The following STK17B variants were observed in gnomAD, a reference collection of about 807,000 sequenced individuals.
The protein encoded by STK17B is serine/threonine-protein kinase 17B.
Under a neutral mutation model 42.0 loss-of-function variants are expected in STK17B, and 21 were observed. The observed-to-expected ratio is 0.50, with a 90% CI of 0.35 to 0.72. The LOEUF is 0.72. Ranked by LOEUF, STK17B falls within the 30% of genes least tolerant of loss-of-function variation. STK17B has a pLI of 0.00. For synonymous variants in STK17B, 143 were observed against 148.4 expected, an observed-to-expected ratio of 0.96 and a Z score of 0.26; for missense variants, 349 against 446.0, an observed-to-expected ratio of 0.78 and a Z score of 1.96.
Position 196,160,932 on chromosome 2 carries a change from T to C in STK17B, c.122+2330A>G, listed in dbSNP as rs1390103176. 3.9e-5 allele frequency among the ~76,000 whole-genome samples: 6 copies of C among 152,304 alleles called. No individual in the cohort carries two copies. In the East Asian group the frequency reaches 7.7e-4, roughly 20 times the overall value. ...CTAATATCATCCTCAAAGTTTAAAT[T>C]ATCCAAAGCCCTCAAAGCAAAAATA... is the stretch of plus-strand genomic sequence containing the variant. On this transcript the variant is annotated intron_variant, in intron 2 of 7. Transcript: ENST00000263955.
At chr2:196,166,510 G>A (rs972990368) in intron 1 of STK17B, among the ~76,000 whole-genome samples, 4 of 152,228 alleles carry the variant, frequency 2.6e-5, no homozygotes, top group African/African-American at 9.6e-5. Context: ...AAGGGACCTG[G>A]TAAGTAAATT....
In STK17B at chr2:196,135,209, A is replaced by C. The variant is rs1199139265; in HGVS notation, c.*2238T>G. On this transcript the variant is annotated 3_prime_UTR_variant, in exon 8 of 8. Coordinates refer to ENST00000263955, the MANE Select transcript of STK17B (RefSeq NM_004226.4). ...GGGGGATGGCATGATTCCTCTAAAA[A>C]TTAAAAATATAATATGGTCTTCAGA... is the stretch of plus-strand genomic sequence containing the variant. 1 of 152,206 alleles carries C rather than the reference A, an allele frequency of 6.6e-6. No homozygotes were observed. The highest frequency in any genetic ancestry group is 1.5e-5 in the Non-Finnish European group (1 of 68,032). 9.4% of individuals were successfully genotyped at this position (152,206 alleles called of 1,614,324 possible).
At chr2:196,164,033 T>C (rs1042719411) in intron 1 of STK17B, among the ~76,000 whole-genome samples, 4 of 143,414 alleles carry the variant, frequency 2.8e-5, no homozygotes, top group Non-Finnish European at 4.5e-5. Flanking sequence ...AGCGAGATCT[T>C]ATCTCAATAA....
intron 1 of STK17B, among the ~76,000 whole-genome samples, chr2:196,170,480 A>G (rs1017895818): frequency 6.6e-6 from 1 of 152,218 alleles, no homozygotes; most frequent in African/African-American, 2.4e-5. Flanking sequence ...CTTAATTCCA[A>G]TTTCCAAATT....
chr2:196,158,510 T>C (rs1434533359), intron 2 of STK17B, among the ~76,000 whole-genome samples: 1 of 152,196 alleles, frequency 6.6e-6, no homozygotes, highest in African/African-American at 2.4e-5. Context: ...ATTGATGGGT[T>C]TCGATGAGCA....
rs181013494 is a variant in STK17B at position 196,167,341 on chromosome 2, C to T, written c.-44-3914G>A. The stretch of plus-strand genomic sequence containing the variant: ...AGCAACCAGCATGGTATCTGCCACC[C>T]GGTAGGAATTTTAAAAATGTTTGAT... On this transcript the variant is annotated intron_variant, in intron 1 of 7. Transcript: ENST00000263955. Among the ~76,000 whole-genome samples the T allele has an allele frequency of 1.3e-4, 20 of 152,190 alleles. No individual in the cohort carries two copies. In the East Asian group the frequency reaches 1.9e-3, roughly 15 times the overall value.
At chr2:196,159,675 T>C (rs576850397) in intron 2 of STK17B, among the ~76,000 whole-genome samples, 1 of 152,272 alleles carries the variant, frequency 6.6e-6, no homozygotes, top group Admixed American at 6.5e-5. Flanking sequence ...CCAAATGATG[T>C]GGATAATGAT....
chr2:196,146,153 A>C lies in STK17B; in HGVS notation c.336-98T>G, dbSNP rs1282825228. ...TAAGTAAAAGACATACAACTATATA[A>C]ATGTTAATACGTTACACTTAAAAAT... On this transcript the variant is annotated intron_variant, in intron 3 of 7. Coordinates refer to ENST00000263955, the MANE Select transcript of STK17B (RefSeq NM_004226.4). 11 of 1,259,970 alleles carry C rather than the reference A, an allele frequency of 8.7e-6. No homozygotes were observed. In the South Asian group the frequency reaches 1.5e-4, roughly 18 times the overall value. 78.0% of individuals were successfully genotyped at this position (1,259,970 alleles called of 1,614,324 possible).
chr2:196,151,911 G>T (rs1575178483), intron 3 of STK17B, among the ~76,000 whole-genome samples: 1 of 152,146 alleles, frequency 6.6e-6, no homozygotes, highest in African/African-American at 2.4e-5. Context: ...AATAAGAAGG[G>T]AAAGATTTTA....
At chr2:196,175,704 T>C (rs1224853182), upstream of STK17B, among the ~76,000 whole-genome samples, 4 of 152,220 alleles carry the variant, frequency 2.6e-5, no homozygotes, top group Non-Finnish European at 2.9e-5. Flanking sequence ...TGAAATAAAA[T>C]AGAAAATTTT....
intron 1 of STK17B, among the ~76,000 whole-genome samples, chr2:196,164,847 G>C (rs763295977): frequency 2.6e-5 from 4 of 152,180 alleles, no homozygotes; most frequent in African/African-American, 7.2e-5. Flanking sequence ...CACATAACTA[G>C]ATAGTAAAAT....
At chr2:196,167,856 C>A (rs1484575732) in intron 1 of STK17B, among the ~76,000 whole-genome samples, 1 of 152,164 alleles carries the variant, frequency 6.6e-6, no homozygotes, top group African/African-American at 2.4e-5. Context: ...CCCGAAGATT[C>A]TAAGGGAAGC....
At chr2:196,164,798 A>G (rs1401603652) in intron 1 of STK17B, among the ~76,000 whole-genome samples, 1 of 152,200 alleles carries the variant, frequency 6.6e-6, no homozygotes, top group Non-Finnish European at 1.5e-5. Flanking sequence ...CGATAGATGG[A>G]GACCTTGTCT....
At chr2:196,176,410 C>G (rs531560379), upstream of STK17B, 1 of 152,316 alleles carries the variant, frequency 6.6e-6, no homozygotes, top group East Asian at 1.9e-4. Context: ...TCAGTAGAAA[C>G]TACAGTAAAG....
At position 196,171,318 on chromosome 2, in the gene STK17B, C is replaced by A. The variant is rs1328646414; in HGVS notation, c.-45+15G>T. On this transcript the variant is annotated intron_variant, in intron 1 of 7. Transcript: ENST00000263955. ...GCAGCCCCGAGCCAACCCGCCAATC[C>A]CGCAGGACACTAACCGCTCCGGCCG... 1 of 152,810 alleles carries A rather than the reference C, an allele frequency of 6.5e-6. No individual in the cohort carries two copies. Among genetic ancestry groups the A allele is most frequent in the Non-Finnish European group, 1.5e-5 (1 of 68,562 alleles). 9.5% of individuals were successfully genotyped at this position (152,810 alleles called of 1,614,324 possible). A position where few individuals can be genotyped will look rare whatever the true frequency, so the allele number is the denominator to read the frequency against.
intron 3 of STK17B, among the ~76,000 whole-genome samples, chr2:196,152,756 T>G (rs1193330244): frequency 6.6e-6 from 1 of 152,166 alleles, no homozygotes; most frequent in Non-Finnish European, 1.5e-5. Context: ...GTAAGAATAT[T>G]AAATATATAC....
rs1446555948 is a variant in STK17B at position 196,136,640 on chromosome 2, TTAAC to T, written c.*803_*806del. 2 of 152,178 alleles carry T rather than the reference TTAAC, an allele frequency of 1.3e-5. No homozygotes were observed. The highest frequency in any genetic ancestry group is 2.4e-5 in the African/African-American group (1 of 41,444). The allele number at this position is 152,178 out of a possible 1,614,324, so 9.4% of individuals were successfully genotyped here. On this transcript the variant is annotated 3_prime_UTR_variant, in exon 8 of 8. Coordinates refer to ENST00000263955, the MANE Select transcript of STK17B (RefSeq NM_004226.4). ...ATGTTTGACTAAAAATACAGAATAT[TTAAC>T]TATACCTAAGTATCTTCTACTCTAG...
intron 5 of STK17B, 24 bp downstream of exon 5, chr2:196,143,536 T>G (rs953868173): frequency 3.9e-5 from 61 of 1,581,336 alleles, no homozygotes; most frequent in Non-Finnish European, 5.2e-5. Context: ...CAAAATGGTA[T>G]AGAAAATAAA....
At position 196,139,814 on chromosome 2, in the gene STK17B, AG is replaced by A; in HGVS notation, c.657-16del. On this transcript the variant is annotated splice_polypyrimidine_tract_variant and intron_variant, in intron 6 of 7. Coordinates refer to ENST00000263955, the MANE Select transcript of STK17B (RefSeq NM_004226.4). ...TACCAATATTCCTGAAAAACAAGGG[AG>A]GGGAACTTAAAATGTATGTTAATTT... The A allele has an allele frequency of 1.5e-6, 2 of 1,340,310 alleles. No individual in the cohort carries two copies. The highest frequency in any genetic ancestry group is 5.0e-5 in the South Asian group (2 of 39,950). 83.0% of individuals were successfully genotyped at this position (1,340,310 alleles called of 1,614,324 possible). A position where few individuals can be genotyped will look rare whatever the true frequency, so the allele number is the denominator to read the frequency against.
Sources: allele counts gnomAD v4.1 joint callset (sites outside exome capture counted in the v4.1 genomes callset), GRCh38; gene constraint gnomAD v4.1.1; transcripts MANE v1.5; gene names NCBI Gene and HGNC (gene_info 2026-07-23, HGNC 2026-07-21).